RRH: variants seen among roughly 807,000 people sequenced by gnomAD.
RRH encodes the protein retinal pigment epithelium-derived rhodopsin homolog, also known as visual pigment-like receptor peropsin.
In RRH, 36 loss-of-function variants were observed where a neutral mutation model predicts 33.1. The ratio of observed to expected loss-of-function variants is 1.09; its 90% CI spans 0.83 to 1.44. The LOEUF (loss-of-function observed/expected upper bound fraction) is 1.44, where lower values mean the gene tolerates loss of function less well. RRH is among the 40% of genes most tolerant of loss of function. The pLI is 0.00. For synonymous variants in RRH, 124 were observed against 140.2 expected, an observed-to-expected ratio of 0.88 and a Z score of 0.82; for missense variants, 393 against 420.2, an observed-to-expected ratio of 0.94 and a Z score of 0.57.
At chr4:109,837,976 A>C in intron 5 of RRH, among the ~76,000 whole-genome samples, 1 of 152,030 alleles carries the variant, frequency 6.6e-6, no homozygotes, top group Admixed American at 6.6e-5. Context: ...ATGGGGTTTC[A>C]CCATGTTGGG....
At chr4:109,842,816 T>A (rs923233780) in intron 6 of RRH, among the ~76,000 whole-genome samples, 169 bp downstream of exon 6, 5 of 152,194 alleles carry the variant, frequency 3.3e-5, no homozygotes. Context: ...AGCTCCAGAT[T>A]TGTTACAGAC....
Position 109,842,523 on chromosome 4 carries a change from G to T in RRH, c.775G>T (p.Val259Leu), listed in dbSNP as rs775902170. Reference sequence around the variant, plus strand: ...GGTGGCATGGTCCCCTTATTCCATCGTGTGCTTATGGGCTTCTTTTGGTGA... The same window carrying T: ...GGTGGCATGGTCCCCTTATTCCATCTTGTGCTTATGGGCTTCTTTTGGTGA... ...FLVAWSPYSI[V>L]CLWASFGDPK... The change falls in exon 6 of 7, where the codon GTG (valine) becomes TTG (leucine). Residue 259 changes from valine to leucine, a missense_variant. Val to Leu is a conservative substitution (Grantham distance 32, BLOSUM62 1). Coordinates refer to ENST00000317735, the MANE Select transcript of RRH (RefSeq NM_006583.5). The T allele has an allele frequency of 6.2e-7, 1 of 1,613,846 alleles. No individual in the cohort carries two copies. The highest frequency in any genetic ancestry group is 8.5e-7 in the Non-Finnish European group (1 of 1,179,936).
chr4:109,843,711 TCAA>T (rs1734026016), intron 6 of RRH, among the ~76,000 whole-genome samples: 1 of 152,216 alleles, frequency 6.6e-6, no homozygotes, highest in Non-Finnish European at 1.5e-5. Context: ...CATTGTTAGT[TCAA>T]ATAAACAACT....
chr4:109,835,349 T>C lies in RRH; in HGVS notation c.298-17T>C. On this transcript the variant is annotated splice_polypyrimidine_tract_variant and intron_variant, in intron 2 of 6. Coordinates refer to ENST00000317735, the MANE Select transcript of RRH (RefSeq NM_006583.5). ...GGGTGTTTAGAATGGTAGAGTCTTT[T>C]CAATTTTGGTTTTCAGGTTTATGCT... 6.3e-7 allele frequency: 1 copy of C among 1,575,782 alleles called. No homozygotes were observed. The highest frequency in any genetic ancestry group is 8.7e-7 in the Non-Finnish European group (1 of 1,145,098).
intron 5 of RRH, among the ~76,000 whole-genome samples, chr4:109,840,618 T>G (rs1045632546): frequency 4.6e-5 from 7 of 152,154 alleles, no homozygotes; most frequent in Non-Finnish European, 8.8e-5. Context: ...AAACAGCTAT[T>G]TTATACTCTA....
chr4:109,828,109 G>A lies in RRH; in HGVS notation c.82G>A (p.Val28Ile). ...SVFSQTEHNIVATYLIMAGMI... is the reference protein window; with the variant it reads ...SVFSQTEHNIIATYLIMAGMI... ...CTTTTCACAGACTGAACACAATATT[G>A]TTGCAACTTACTTGATTATGGCAGG... The change falls in exon 1 of 7, where the codon GTT (valine) becomes ATT (isoleucine). Residue 28 changes from valine to isoleucine, a missense_variant. Physicochemically the swap from Val to Ile is conservative, Grantham distance 29 (BLOSUM62 3). Coordinates refer to ENST00000317735, the MANE Select transcript of RRH (RefSeq NM_006583.5). 6.2e-7 allele frequency: 1 copy of A among 1,611,280 alleles called. No homozygotes were observed. Among genetic ancestry groups the A allele is most frequent in the Non-Finnish European group, 8.5e-7 (1 of 1,177,618 alleles).
chr4:109,835,417 A>G lies in RRH; in HGVS notation c.349A>G (p.Thr117Ala). Residue 117 changes from threonine (T) to alanine (A), a missense_variant, in exon 3 of 7, where the codon ACG becomes GCG. Coordinates refer to ENST00000317735, the MANE Select transcript of RRH (RefSeq NM_006583.5). ...FFGMASIGLL[T>A]VVAVDRYLTI... is the part of the protein sequence containing the mutation. ...TGGAATGGCAAGCATTGGATTACTC[A>G]CGGTCGTGGCTGTGGACCGATACCT... 3 of 1,614,144 alleles carry G rather than the reference A, an allele frequency of 1.9e-6. No homozygotes were observed. Among genetic ancestry groups the G allele is most frequent in the Non-Finnish European group, 2.5e-6 (3 of 1,180,002 alleles).
chr4:109,832,280 A>T (rs1005216413), intron 1 of RRH, among the ~76,000 whole-genome samples: 2 of 149,670 alleles, frequency 1.3e-5, no homozygotes, highest in African/African-American at 4.9e-5. Context: ...CTCAGTGTAA[A>T]ATAAAACAGT....
Position 109,832,296 on chromosome 4 carries a change from T to C in RRH, c.107-843T>C, listed in dbSNP as rs564054198. Among the ~76,000 whole-genome samples the C allele has an allele frequency of 8.0e-5, 12 of 150,384 alleles. No individual in the cohort carries two copies. The South Asian group carries it at 2.6e-3, about 32-fold the overall frequency. On this transcript the variant is annotated intron_variant, in intron 1 of 6. Coordinates refer to ENST00000317735, the MANE Select transcript of RRH (RefSeq NM_006583.5). The stretch of plus-strand genomic sequence containing the variant: ...TCAGTGTAAAATAAAACAGTGGCAT[T>C]CTGGTTAATAAGTTTAGTTATCTGT...
rs371045503 is a variant in RRH, at chr4:109,828,142, AT to A, written c.106+12del. ...TTACTTGATTATGGCAGGTATGGAT[AT>A]TTAAGTAAGTTATTTTTCTTTAGAA... On this transcript the variant is annotated intron_variant, in intron 1 of 6. Coordinates refer to ENST00000317735, the MANE Select transcript of RRH (RefSeq NM_006583.5). The A allele has an allele frequency of 8.3e-6, 13 of 1,566,416 alleles. No homozygotes were observed. The highest frequency in any genetic ancestry group is 1.1e-5 in the Non-Finnish European group (13 of 1,137,222).
intron 2 of RRH, 111 bp downstream of exon 2, chr4:109,833,440 AC>A (rs1215127065): frequency 1.6e-5 from 14 of 850,392 alleles, no homozygotes; most frequent in African/African-American, 3.4e-5. Context: ...AATAATAGAT[AC>A]AGTGCTTTTA....
intron 4 of RRH, among the ~76,000 whole-genome samples, chr4:109,836,698 T>C (rs1398148721): frequency 6.6e-6 from 1 of 152,114 alleles, no homozygotes; most frequent in Non-Finnish European, 1.5e-5. Flanking sequence ...AAATGAAGGA[T>C]GACATAAACA....
In RRH at chr4:109,828,020, C is replaced by T; in HGVS notation, c.-8C>T. The T allele has an allele frequency of 6.4e-7, 1 of 1,569,004 alleles. No individual in the cohort carries two copies. The highest frequency in any genetic ancestry group is 8.8e-7 in the Non-Finnish European group (1 of 1,139,546). ...TTATGAAGGGTGTTTCGGTATCTTC[C>T]CTCCAAAATGCTAAGAAATAATTTA... On this transcript the variant is annotated 5_prime_UTR_variant, in exon 1 of 7. Coordinates refer to ENST00000317735, the MANE Select transcript of RRH (RefSeq NM_006583.5).
intron 1 of RRH, among the ~76,000 whole-genome samples, chr4:109,829,804 A>T (rs973336897): frequency 6.6e-6 from 1 of 152,198 alleles, no homozygotes; most frequent in African/African-American, 2.4e-5. Flanking sequence ...TTATCAAGGT[A>T]TACAATGAGT....
At chr4:109,836,242 T>C (rs1733882641) in intron 4 of RRH, 82 bp downstream of exon 4, 10 of 1,449,600 alleles carry the variant, frequency 6.9e-6, no homozygotes, top group African/African-American at 1.4e-5. Flanking sequence ...GCTCAGATCA[T>C]GTGTTCCTCA....
chr4:109,834,982 T>C (rs1457735275), intron 2 of RRH, among the ~76,000 whole-genome samples: 4 of 152,208 alleles, frequency 2.6e-5, no homozygotes, highest in Admixed American at 6.5e-5. Flanking sequence ...CAAATGCTAA[T>C]GGGCTTGTGT....
chr4:109,828,165 A>C (rs1733675422), intron 1 of RRH, 32 bp downstream of exon 1: 1 of 1,447,688 alleles, frequency 6.9e-7, no homozygotes, highest in South Asian at 1.1e-5. Flanking sequence ...ATTTTTCTTT[A>C]GAATGGGTGA....
chr4:109,836,301 G>A (rs1292684426), intron 4 of RRH, 141 bp downstream of exon 4: 7 of 889,972 alleles, frequency 7.9e-6, no homozygotes, highest in East Asian at 2.6e-5. Context: ...GTGATTCTCA[G>A]TTCAAAGACG....
intron 1 of RRH, among the ~76,000 whole-genome samples, chr4:109,830,842 A>G (rs1309223153): frequency 6.6e-6 from 1 of 152,186 alleles, no homozygotes; most frequent in Non-Finnish European, 1.5e-5. Context: ...AAGTAGATCA[A>G]GAAGGGTCTG....
Sources: gnomAD v4.1 joint callset for allele counts (sites outside exome capture counted in the v4.1 genomes callset) on GRCh38, gnomAD v4.1.1 for gene constraint, MANE v1.5 for transcripts, NCBI Gene and HGNC (gene_info 2026-07-23, HGNC 2026-07-21) for gene names.